Variants in EYS observed in about 807,000 individuals in gnomAD.
EYS encodes EGF-like photoreceptor maintenance factor.
In EYS, 250 loss-of-function variants were observed where a neutral mutation model predicts 282.1. That is an observed-to-expected ratio of 0.89 (90% CI 0.80 to 0.98). The LOEUF (loss-of-function observed/expected upper bound fraction) is 0.98. Among genes scored for constraint, EYS ranks in the 50% least tolerant of loss-of-function variants. EYS has a pLI of 0.00. For missense variants in EYS, 4,016 were observed against 3,709.0 expected, an observed-to-expected ratio of 1.08 and a Z score of -2.15; for synonymous variants, 1,355 against 1,282.9, an observed-to-expected ratio of 1.06 and a Z score of -1.20.
At chr6:65,255,708 C>T in intron 12 of EYS, among the ~76,000 whole-genome samples, 1 of 152,108 alleles carries the variant, frequency 6.6e-6, no homozygotes, top group Non-Finnish European at 1.5e-5. Context: ...TCTGAACAGA[C>T]ATTTCTAAAA....
intron 7 of EYS, among the ~76,000 whole-genome samples, chr6:65,397,715 CAT>C (rs1766340433): frequency 6.6e-6 from 1 of 151,434 alleles, no homozygotes; most frequent in Non-Finnish European, 1.5e-5. Context: ...CTGTGATAAA[CAT>C]ATGAGTGCAG....
intron 13 of EYS, among the ~76,000 whole-genome samples, chr6:65,020,565 C>G (rs774304907): frequency 2.0e-5 from 3 of 152,188 alleles, no homozygotes; most frequent in Admixed American, 6.5e-5. Flanking sequence ...TGGGTGTCTG[C>G]TACTTTTCCA....
chr6:65,675,812 A>T (rs1440114513), intron 1 of EYS, among the ~76,000 whole-genome samples: 1 of 151,922 alleles, frequency 6.6e-6, no homozygotes. Context: ...TCTCAAGTGT[A>T]CATATTCTTC....
rs539615637 is a variant in EYS at position 65,219,120 on chromosome 6, G to A, written c.2023+76743C>T. ...TGAAGCACATAAAATATTTTAGGGGGCTCATAATCTTCAAGTAGGTTTATA... is the reference window on the plus strand; with the variant it reads ...TGAAGCACATAAAATATTTTAGGGGACTCATAATCTTCAAGTAGGTTTATA... On this transcript the variant is annotated intron_variant, in intron 12 of 42. Transcript: ENST00000503581. Among the ~76,000 whole-genome samples the A allele has an allele frequency of 2.0e-5, 3 of 152,152 alleles. No individual in the cohort carries two copies. In the East Asian group the frequency reaches 5.8e-4, roughly 29 times the overall value.
intron 13 of EYS, among the ~76,000 whole-genome samples, chr6:65,021,602 T>C (rs988532796): frequency 5.3e-5 from 8 of 152,346 alleles, no homozygotes; most frequent in Admixed American, 4.6e-4. Context: ...ATCAAAACTC[T>C]TCCAGCCTCT....
intron 19 of EYS, among the ~76,000 whole-genome samples, chr6:64,836,331 A>G (rs989698292): frequency 6.6e-6 from 1 of 150,982 alleles, no homozygotes; most frequent in Admixed American, 6.6e-5. Context: ...ATATATGGCA[A>G]TGTATTCTTC....
At chr6:65,281,102 C>A (rs1445720584) in intron 12 of EYS, among the ~76,000 whole-genome samples, 1 of 146,866 alleles carries the variant, frequency 6.8e-6, no homozygotes, top group South Asian at 2.1e-4. Context: ...TTTTTTTTGT[C>A]ATATATATGT....
intron 12 of EYS, among the ~76,000 whole-genome samples, chr6:65,069,538 G>A (rs17495347): frequency 6.6e-6 from 1 of 151,592 alleles, no homozygotes; most frequent in Admixed American, 6.6e-5. Flanking sequence ...TCTCTTAAGT[G>A]CACTCCTCTC....
intron 12 of EYS, among the ~76,000 whole-genome samples, chr6:65,178,757 C>T (rs1202657566): frequency 6.6e-6 from 1 of 152,076 alleles, no homozygotes; most frequent in Non-Finnish European, 1.5e-5. Context: ...ACAGAATATA[C>T]ATTCTTCTCA....
At chr6:63,880,900 A>G (rs1297333014) in intron 35 of EYS, among the ~76,000 whole-genome samples, 2 of 152,204 alleles carry the variant, frequency 1.3e-5, no homozygotes, top group African/African-American at 4.8e-5. Flanking sequence ...AGCCATGTAC[A>G]ATGGCCATTT....
At chr6:64,239,438 T>C (rs1766720344) in intron 30 of EYS, among the ~76,000 whole-genome samples, 1 of 152,202 alleles carries the variant, frequency 6.6e-6, no homozygotes, top group African/African-American at 2.4e-5. Context: ...TTTTTAAAGA[T>C]TGCCATTCTA....
chr6:65,562,278 G>A (rs1416914350), intron 2 of EYS, among the ~76,000 whole-genome samples: 5 of 152,080 alleles, frequency 3.3e-5, no homozygotes, highest in Admixed American at 2.6e-4. Context: ...CATCAAATTC[G>A]AATGAGGCAG....
chr6:64,470,252 C>T (rs1776080112), intron 26 of EYS, among the ~76,000 whole-genome samples: 1 of 151,962 alleles, frequency 6.6e-6, no homozygotes, highest in Non-Finnish European at 1.5e-5. Flanking sequence ...AACCCATGGA[C>T]CCTGTGGGGC....
chr6:64,934,406 C>G (rs1476010243), intron 15 of EYS, among the ~76,000 whole-genome samples: 1 of 151,796 alleles, frequency 6.6e-6, no homozygotes, highest in Non-Finnish European at 1.5e-5. Context: ...ATCTATACAT[C>G]CATGAACCTC....
At chr6:63,750,235 A>C (rs980006967) in intron 41 of EYS, among the ~76,000 whole-genome samples, 1 of 152,188 alleles carries the variant, frequency 6.6e-6, no homozygotes. Flanking sequence ...CTTGTTAAGC[A>C]GCTCATATAT....
intron 12 of EYS, among the ~76,000 whole-genome samples, chr6:65,197,779 C>A (rs1186322629): frequency 6.6e-6 from 1 of 152,016 alleles, no homozygotes; most frequent in African/African-American, 2.4e-5. Flanking sequence ...TTAAAAACTG[C>A]TATACCTGTA....
At chr6:65,595,765 G>A (rs1322193838) in intron 2 of EYS, among the ~76,000 whole-genome samples, 1 of 152,096 alleles carries the variant, frequency 6.6e-6, no homozygotes, top group African/African-American at 2.4e-5. Context: ...GAATATGGGT[G>A]TGGTAGGCAG....
At chr6:64,614,618 A>G (rs1767212217) in intron 24 of EYS, among the ~76,000 whole-genome samples, 1 of 152,144 alleles carries the variant, frequency 6.6e-6, no homozygotes, top group African/African-American at 2.4e-5. Flanking sequence ...AGTTGAAAAT[A>G]TTGTAAGTGG....
chr6:64,731,110 C>A (rs1010261765), intron 22 of EYS: 2 of 152,056 alleles, frequency 1.3e-5, no homozygotes, highest in African/African-American at 4.8e-5. Context: ...CTTCCTTATA[C>A]CTTATACAAA....
Sources: gnomAD v4.1 joint callset for allele counts (sites outside exome capture counted in the v4.1 genomes callset) on GRCh38, gnomAD v4.1.1 for gene constraint, MANE v1.5 for transcripts, NCBI Gene and HGNC (gene_info 2026-07-23, HGNC 2026-07-21) for gene names.